Variants in DPP10 observed in about 807,000 individuals in gnomAD.
DPP10 encodes dipeptidyl peptidase like 10.
Under a neutral mutation model 120.9 loss-of-function variants are expected in DPP10, and 33 were observed. The observed-to-expected ratio is 0.27, with a 90% CI of 0.21 to 0.37. The LOEUF is 0.37. Ranked by LOEUF, DPP10 falls within the 10% of genes least tolerant of loss-of-function variation. The probability of loss-of-function intolerance (pLI) is 1.00; values close to 1 mark genes in which losing one functional copy is unlikely to be tolerated. For missense variants in DPP10, 816 were observed against 942.8 expected, an observed-to-expected ratio of 0.87 and a Z score of 1.76; for synonymous variants, 337 against 326.1, an observed-to-expected ratio of 1.03 and a Z score of -0.36.
intron 1 of DPP10, among the ~76,000 whole-genome samples, chr2:115,122,320 G>T (rs1370679325): frequency 1.3e-5 from 2 of 152,190 alleles, no homozygotes; most frequent in Non-Finnish European, 2.9e-5. Context: ...AGTGAACAGG[G>T]TTTCCCCCAT....
intron 1 of DPP10, among the ~76,000 whole-genome samples, chr2:114,839,937 G>A (rs11899524): frequency 0.065 from 9,838 of 152,048 alleles, 1,080 homozygotes; most frequent in African/African-American, 0.23. Context: ...AAAAGAATCT[G>A]GCAATTTTAT....
intron 1 of DPP10, among the ~76,000 whole-genome samples, chr2:115,286,397 T>C (rs1293389606): frequency 6.8e-6 from 1 of 147,764 alleles, no homozygotes; most frequent in Non-Finnish European, 1.5e-5. Context: ...GCCACATCTT[T>C]TTTTTTACTT....
intron 2 of DPP10, 147 bp downstream of exon 2, chr2:115,309,500 T>A (rs1471719449): frequency 3.1e-6 from 2 of 652,056 alleles, no homozygotes; most frequent in Admixed American, 6.2e-5. Context: ...ATCAGACATT[T>A]TGCAAATGGC....
intron 5 of DPP10, among the ~76,000 whole-genome samples, chr2:115,575,140 T>C (rs1265123576): frequency 6.6e-6 from 1 of 152,156 alleles, no homozygotes; most frequent in Non-Finnish European, 1.5e-5. Flanking sequence ...TTTAGAAAGG[T>C]AAGATTGATA....
At chr2:115,165,672 T>C (rs567732888) in intron 1 of DPP10, among the ~76,000 whole-genome samples, 104 of 152,300 alleles carry the variant, frequency 6.8e-4, no homozygotes, top group African/African-American at 2.3e-3. Context: ...ATATTTTTAA[T>C]GGTCAATCAG....
chr2:115,411,538 G>A (rs565947765), intron 3 of DPP10, among the ~76,000 whole-genome samples: 3 of 152,192 alleles, frequency 2.0e-5, no homozygotes, highest in Admixed American at 1.3e-4. Context: ...TGAAGCTTTG[G>A]AATATGATTT....
chr2:115,670,944 T>C (rs984951668), intron 5 of DPP10, among the ~76,000 whole-genome samples: 1 of 152,096 alleles, frequency 6.6e-6, no homozygotes, highest in Non-Finnish European at 1.5e-5. Flanking sequence ...TTAGAGAAAC[T>C]ATTGGAAAAA....
intron 1 of DPP10, among the ~76,000 whole-genome samples, chr2:115,159,722 T>G (rs1484566022): frequency 6.6e-6 from 1 of 152,084 alleles, no homozygotes; most frequent in Non-Finnish European, 1.5e-5. Context: ...ATAAAAAAAT[T>G]CACGCACACA....
intron 2 of DPP10, among the ~76,000 whole-genome samples, chr2:115,337,914 A>G (rs1361010640): frequency 6.6e-6 from 1 of 151,938 alleles, no homozygotes; most frequent in Non-Finnish European, 1.5e-5. Flanking sequence ...AAAGCCAAAT[A>G]CATTAATTAT....
chr2:114,684,657 T>C (rs900675338), intron 1 of DPP10, among the ~76,000 whole-genome samples: 2 of 151,810 alleles, frequency 1.3e-5, no homozygotes, highest in African/African-American at 4.8e-5. Flanking sequence ...CTCTCCCATT[T>C]GCCACATTTT....
chr2:115,365,065 A>G (rs1469706753), intron 3 of DPP10, among the ~76,000 whole-genome samples: 1 of 152,148 alleles, frequency 6.6e-6, no homozygotes, highest in African/African-American at 2.4e-5. Context: ...ATGTATATAT[A>G]AAGACTAATA....
intron 1 of DPP10, among the ~76,000 whole-genome samples, chr2:115,157,098 T>C (rs1003768926): frequency 8.5e-5 from 13 of 152,096 alleles, no homozygotes; most frequent in Admixed American, 6.5e-4. Context: ...CGTTCTCAAG[T>C]TGTTTTGGTG....
intron 1 of DPP10, among the ~76,000 whole-genome samples, chr2:115,163,822 A>G (rs2104992298): frequency 6.6e-6 from 1 of 152,230 alleles, no homozygotes; most frequent in Non-Finnish European, 1.5e-5. Flanking sequence ...GTGATGGTGG[A>G]AGTGGGATGC....
chr2:114,891,593 A>G (rs1692550163), intron 1 of DPP10, among the ~76,000 whole-genome samples: 1 of 152,246 alleles, frequency 6.6e-6, no homozygotes, highest in Non-Finnish European at 1.5e-5. Context: ...AGAATAAAAC[A>G]TTCCTCATAA....
chr2:115,814,942 G>A lies in DPP10; in HGVS notation c.1850G>A (p.Arg617Gln), dbSNP rs139513150. 2.8e-4 allele frequency: 452 copies of A among 1,612,344 alleles called. No individual in the cohort carries two copies. The highest frequency in any genetic ancestry group is 1.6e-3 in the South Asian group (147 of 90,876). ...QGLKILQEIH[R>Q]RLGSVEVKDQ... ...CTGAAAATTTTGCAGGAGATTCATC[G>A]AAGATTAGGTTCAGTAGAAGTAAAG... The change falls in exon 20 of 26, where the codon CGA (arginine) becomes CAA (glutamine). Residue 617 changes from arginine to glutamine, a missense_variant. Around this residue, in one of 3 missense-constraint regions of DPP10, gnomAD observed 592 missense variants for 649.0 expected, o/e 0.91. Transcript: ENST00000410059.
At chr2:114,779,658 C>T (rs1310331081) in intron 1 of DPP10, among the ~76,000 whole-genome samples, 3 of 152,118 alleles carry the variant, frequency 2.0e-5, no homozygotes, top group African/African-American at 4.8e-5. Context: ...CAGCCCTGAC[C>T]TGTGATAACC....
intron 19 of DPP10, among the ~76,000 whole-genome samples, chr2:115,812,864 T>G (rs1053499700): frequency 6.6e-6 from 1 of 151,194 alleles, no homozygotes; most frequent in Non-Finnish European, 1.5e-5. Context: ...TTTGGAAATA[T>G]GGAGTACATG....
At position 114,522,124 on chromosome 2, in the gene DPP10, C is replaced by T. The variant is rs539483434; in HGVS notation, c.60+79286C>T. Among the ~76,000 whole-genome samples, 62 of 148,666 alleles carry T rather than the reference C, an allele frequency of 4.2e-4. No homozygotes were observed. The South Asian group carries it at 4.5e-3, about 11-fold the overall frequency. ...CCTCCCAAGTAGCTGGGACTACAGG[C>T]GCCCGCCACTACACCCGGCTAATTT... On this transcript the variant is annotated intron_variant, in intron 1 of 25. Transcript: ENST00000410059.
intron 1 of DPP10, among the ~76,000 whole-genome samples, chr2:114,988,834 C>T (rs1003428454): frequency 7.9e-5 from 12 of 151,882 alleles, no homozygotes; most frequent in East Asian, 3.9e-4. Context: ...AATTGCTAAA[C>T]GGGTGAAATC....
Sources: allele counts gnomAD v4.1 joint callset (sites outside exome capture counted in the v4.1 genomes callset), GRCh38; gene constraint gnomAD v4.1.1; regional missense constraint gnomAD v4.1.1; transcripts MANE v1.5; gene names NCBI Gene and HGNC (gene_info 2026-07-23, HGNC 2026-07-21).